The following WWC2 variants were observed in gnomAD, a reference collection of about 807,000 sequenced individuals.
The protein encoded by WWC2 is protein WWC2.
In WWC2, 101 loss-of-function variants were observed where a neutral mutation model predicts 138.5. The ratio of observed to expected loss-of-function variants is 0.73; its 90% CI spans 0.62 to 0.86. The LOEUF (loss-of-function observed/expected upper bound fraction) is 0.86, where lower values mean the gene tolerates loss of function less well. Ranked by LOEUF, WWC2 falls within the 40% of genes least tolerant of loss-of-function variation. The pLI, the probability that WWC2 is intolerant of heterozygous loss-of-function variation, is 0.00. For missense variants in WWC2, 1,420 were observed against 1,419.4 expected, an observed-to-expected ratio of 1.00 and a Z score of -0.01; for synonymous variants, 558 against 538.4, an observed-to-expected ratio of 1.04 and a Z score of -0.50.
At chr4:183,296,747 C>A (rs1243178794) in intron 21 of WWC2, among the ~76,000 whole-genome samples, 1 of 151,662 alleles carries the variant, frequency 6.6e-6, no homozygotes, top group South Asian at 2.1e-4. Flanking sequence ...CCCTGGCTAA[C>A]GCGGTGAAAC....
chr4:183,299,088 G>A (rs921936760), intron 21 of WWC2, among the ~76,000 whole-genome samples: 6 of 152,178 alleles, frequency 3.9e-5, no homozygotes, highest in African/African-American at 1.4e-4. Flanking sequence ...CGGGAGGCTG[G>A]AAAGTCCAAG....
At chr4:183,278,038 A>G (rs1351204244) in intron 16 of WWC2, among the ~76,000 whole-genome samples, 1 of 152,036 alleles carries the variant, frequency 6.6e-6, no homozygotes, top group Non-Finnish European at 1.5e-5. Flanking sequence ...TGTTTTAGAC[A>G]TGGAGTCCTT....
intron 19 of WWC2, among the ~76,000 whole-genome samples, chr4:183,285,651 T>C (rs1433593280): frequency 6.6e-6 from 1 of 152,002 alleles, no homozygotes; most frequent in Non-Finnish European, 1.5e-5. Flanking sequence ...TCCGAGTTAC[T>C]ACAGAGGCTG....
intron 1 of WWC2, among the ~76,000 whole-genome samples, chr4:183,118,872 T>TAC (rs1410194877): frequency 6.6e-6 from 1 of 152,160 alleles, no homozygotes; most frequent in Non-Finnish European, 1.5e-5. Context: ...AAGCTGTGTG[T>TAC]AGTGGTTTGC....
chr4:183,318,543 C>T lies in WWC2; in HGVS notation c.*2814C>T, dbSNP rs550657202. The T allele has an allele frequency of 5.3e-5, 8 of 152,138 alleles. No individual in the cohort carries two copies. The East Asian group carries it at 9.7e-4, about 18-fold the overall frequency. The allele number at this position is 152,138 out of a possible 1,614,324, so 9.4% of individuals were successfully genotyped here. A position where few individuals can be genotyped will look rare whatever the true frequency, so the allele number is the denominator to read the frequency against. ...CTACATATTGCCTAATACTCTATTT[C>T]AGTGTCGTTTATTGTTCAGTTTATT... On this transcript the variant is annotated 3_prime_UTR_variant, in exon 23 of 23. Transcript: ENST00000403733.
chr4:183,144,141 C>T (rs1285592226), intron 1 of WWC2, among the ~76,000 whole-genome samples: 5 of 152,200 alleles, frequency 3.3e-5, no homozygotes, highest in Admixed American at 2.0e-4. Flanking sequence ...TGCATTTCTT[C>T]AGAACTTCTG....
intron 5 of WWC2, among the ~76,000 whole-genome samples, chr4:183,244,503 T>A (rs943515122): frequency 6.6e-6 from 1 of 151,972 alleles, no homozygotes; most frequent in Non-Finnish European, 1.5e-5. Context: ...TTCCTAAGTT[T>A]GAACTCATCC....
chr4:183,314,053 A>C (rs1480717647), intron 22 of WWC2, among the ~76,000 whole-genome samples: 1 of 152,096 alleles, frequency 6.6e-6, no homozygotes, highest in East Asian at 1.9e-4. Context: ...GAGCAGGGAC[A>C]GCTATGGCAG....
At chr4:183,114,579 G>C (rs143231862) in intron 1 of WWC2, among the ~76,000 whole-genome samples, 18 of 152,208 alleles carry the variant, frequency 1.2e-4, no homozygotes, top group African/African-American at 4.1e-4. Context: ...AAAAGGAGAG[G>C]TTCCAAGATT....
At chr4:183,240,147 G>A in intron 4 of WWC2, 36 bp from the exon 5 acceptor site, 1 of 1,430,898 alleles carries the variant, frequency 7.0e-7, no homozygotes, top group Non-Finnish European at 9.5e-7. Flanking sequence ...CTAATTATCT[G>A]CAAACATTAA....
chr4:183,124,738 C>T (rs542045149), intron 1 of WWC2, among the ~76,000 whole-genome samples: 70 of 151,704 alleles, frequency 4.6e-4, no homozygotes, highest in Admixed American at 1.6e-3. Flanking sequence ...TACAGGCACG[C>T]GCCACCATGC....
At chr4:183,114,402 A>G (rs1476247349) in intron 1 of WWC2, among the ~76,000 whole-genome samples, 1 of 152,214 alleles carries the variant, frequency 6.6e-6, no homozygotes, top group African/African-American at 2.4e-5. Flanking sequence ...TGCAAGAAAT[A>G]CAAGGTGTGA....
chr4:183,126,048 C>T (rs1326229474), intron 1 of WWC2, among the ~76,000 whole-genome samples: 1 of 152,144 alleles, frequency 6.6e-6, no homozygotes, highest in Non-Finnish European at 1.5e-5. Flanking sequence ...GAACAAGTGC[C>T]CCTTAAATGT....
chr4:183,161,343 G>A (rs1021326770), intron 1 of WWC2, among the ~76,000 whole-genome samples: 14 of 152,176 alleles, frequency 9.2e-5, no homozygotes, highest in Admixed American at 5.2e-4. Context: ...CTTAGATGGA[G>A]TTTCAGACAG....
At chr4:183,121,237 A>C (rs1732590744) in intron 1 of WWC2, among the ~76,000 whole-genome samples, 1 of 152,044 alleles carries the variant, frequency 6.6e-6, no homozygotes, top group Admixed American at 6.5e-5. Context: ...TGTGGAGGAA[A>C]ATAATTAAAT....
Position 183,261,112 on chromosome 4 carries a change from A to G in WWC2, c.1489A>G (p.Ile497Val). 2 of 1,614,014 alleles carry G rather than the reference A, an allele frequency of 1.2e-6. No homozygotes were observed. Among genetic ancestry groups the G allele is most frequent in the Non-Finnish European group, 1.7e-6 (2 of 1,179,888 alleles). Residue 497 changes from isoleucine (I) to valine (V), a missense_variant, in exon 11 of 23, where the codon ATT (isoleucine) becomes GTT (valine). By Grantham distance (29) the Ile-to-Val change is conservative (BLOSUM62 3). Coordinates refer to ENST00000403733, the MANE Select transcript of WWC2 (RefSeq NM_024949.6). ...DFLLQEKSGY[I>V]PSGPITTIHE... ...CCTTCTGCAAGAGAAAAGCGGTTACATTCCTTCTGGACCCATCACCACCAT... is the reference window on the plus strand; with the variant it reads ...CCTTCTGCAAGAGAAAAGCGGTTACGTTCCTTCTGGACCCATCACCACCAT...
At chr4:183,118,943 C>G (rs966488579) in intron 1 of WWC2, among the ~76,000 whole-genome samples, 3 of 151,134 alleles carry the variant, frequency 2.0e-5, no homozygotes, top group African/African-American at 4.9e-5. Flanking sequence ...AATCCTGTCT[C>G]TCATCCTCCC....
At chr4:183,109,657 A>G (rs538902289) in intron 1 of WWC2, among the ~76,000 whole-genome samples, 2 of 152,218 alleles carry the variant, frequency 1.3e-5, no homozygotes, top group Non-Finnish European at 2.9e-5. Flanking sequence ...TCAGGCGGTC[A>G]TGCTTGCTCG....
At chr4:183,232,555 C>G (rs1736279031) in intron 4 of WWC2, among the ~76,000 whole-genome samples, 1 of 152,202 alleles carries the variant, frequency 6.6e-6, no homozygotes, top group African/African-American at 2.4e-5. Flanking sequence ...GCTTCTTTCA[C>G]TTGGCATGTG....
Sources: allele counts gnomAD v4.1 joint callset (sites outside exome capture counted in the v4.1 genomes callset), GRCh38; gene constraint gnomAD v4.1.1; transcripts MANE v1.5; gene names NCBI Gene and HGNC (gene_info 2026-07-23, HGNC 2026-07-21).